Variants in ADGRL2 observed in about 807,000 individuals in gnomAD.
ADGRL2 encodes adhesion G protein-coupled receptor L2.
Under a neutral mutation model 157.4 loss-of-function variants are expected in ADGRL2, and 44 were observed. That is an observed-to-expected ratio of 0.28 (90% CI 0.22 to 0.36). The LOEUF (loss-of-function observed/expected upper bound fraction) is 0.36, where lower values mean the gene tolerates loss of function less well. ADGRL2 is among the 10% of genes least tolerant of loss of function. The probability of loss-of-function intolerance (pLI) is 1.00; values close to 1 mark genes in which losing one functional copy is unlikely to be tolerated. For missense variants in ADGRL2, 1,510 were observed against 1,768.9 expected, an observed-to-expected ratio of 0.85 and a Z score of 2.63; for synonymous variants, 585 against 624.7, an observed-to-expected ratio of 0.94 and a Z score of 0.95.
intron 3 of ADGRL2, among the ~76,000 whole-genome samples, chr1:81,913,728 GAGA>G (rs1284176393): frequency 5.3e-5 from 8 of 152,040 alleles, no homozygotes; most frequent in Non-Finnish European, 1.0e-4. Context: ...AAATCTCCTT[GAGA>G]AGGAGTGGCA....
At position 81,419,343 on chromosome 1, in the gene ADGRL2, A is replaced by G. The variant is rs184490608; in HGVS notation, c.-301-25693A>G. Reference sequence around the variant, plus strand: ...CTCAGCCTCCCTAGTAGCTGGGATTACAGGTGTCCACCACCACACCTGGCT... The same window carrying G: ...CTCAGCCTCCCTAGTAGCTGGGATTGCAGGTGTCCACCACCACACCTGGCT... On this transcript the variant is annotated intron_variant, in intron 1 of 24. Transcript: ENST00000370721. 6.9e-4 allele frequency among the ~76,000 whole-genome samples: 105 copies of G among 152,092 alleles called. 1 individual carries two copies. The East Asian group carries it at 0.02, about 29-fold the overall frequency.
intron 1 of ADGRL2, among the ~76,000 whole-genome samples, chr1:81,806,010 G>A (rs1483950648): frequency 3.9e-5 from 6 of 151,986 alleles, no homozygotes; most frequent in Non-Finnish European, 7.4e-5. Context: ...TTAATGTGTT[G>A]TAGAAGAACT....
chr1:81,342,721 T>A (rs1392906319), intron 1 of ADGRL2, among the ~76,000 whole-genome samples: 2 of 152,156 alleles, frequency 1.3e-5, no homozygotes, highest in Admixed American at 1.3e-4. Context: ...AATATGTTAT[T>A]TTATCTTTTA....
intron 2 of ADGRL2, among the ~76,000 whole-genome samples, chr1:81,844,216 G>A (rs2092702999): frequency 6.6e-6 from 1 of 152,038 alleles, no homozygotes; most frequent in Non-Finnish European, 1.5e-5. Flanking sequence ...TGCATATTAG[G>A]CATTTACACA....
intron 1 of ADGRL2, among the ~76,000 whole-genome samples, chr1:81,434,790 A>C (rs2077381177): frequency 6.6e-6 from 1 of 152,216 alleles, no homozygotes; most frequent in Non-Finnish European, 1.5e-5. Context: ...GGGAAGCTGC[A>C]GGTGGTCATT....
At chr1:81,987,203 A>G (rs908091010) in intron 22 of ADGRL2, 174 bp downstream of exon 22, 23 of 1,330,332 alleles carry the variant, frequency 1.7e-5, no homozygotes, top group Admixed American at 2.1e-5. Flanking sequence ...GCACTATATT[A>G]TAGTAAAAGC....
chr1:81,942,854 A>C (rs1387854812), intron 5 of ADGRL2, 115 bp from the exon 6 acceptor site: 1 of 799,180 alleles, frequency 1.3e-6, no homozygotes, highest in Admixed American at 2.0e-5. Context: ...ACATTTTGGT[A>C]AAATTGAATG....
At chr1:81,439,685 G>A (rs1241921101) in intron 1 of ADGRL2, among the ~76,000 whole-genome samples, 2 of 152,234 alleles carry the variant, frequency 1.3e-5, no homozygotes, top group African/African-American at 4.8e-5. Flanking sequence ...CGAAGCCCCA[G>A]AGGAGGTTTT....
chr1:81,708,655 T>TATAC (rs1384026254), intron 1 of ADGRL2, among the ~76,000 whole-genome samples: 2 of 151,088 alleles, frequency 1.3e-5, no homozygotes, highest in African/African-American at 4.8e-5. Flanking sequence ...TATATATATA[T>TATAC]ACACACACAC....
At chr1:81,737,742 G>A (rs1571015399) in intron 1 of ADGRL2, among the ~76,000 whole-genome samples, 1 of 152,312 alleles carries the variant, frequency 6.6e-6, no homozygotes, top group South Asian at 2.1e-4. Flanking sequence ...GCAAATAAAA[G>A]TTGATTAAAT....
intron 1 of ADGRL2, among the ~76,000 whole-genome samples, chr1:81,443,404 T>A (rs1230307290): frequency 2.7e-5 from 4 of 149,154 alleles, no homozygotes; most frequent in African/African-American, 9.9e-5. Flanking sequence ...ACCATTACAA[T>A]CCAGCCTGAG....
chr1:81,563,746 C>T (rs1390693085), intron 2 of ADGRL2, among the ~76,000 whole-genome samples: 3 of 152,172 alleles, frequency 2.0e-5, no homozygotes, highest in African/African-American at 7.2e-5. Context: ...AGAAGCATAA[C>T]ATCTCAAAAC....
chr1:81,683,036 G>A (rs1310289076), intron 3 of ADGRL2, among the ~76,000 whole-genome samples: 1 of 152,196 alleles, frequency 6.6e-6, no homozygotes, highest in Non-Finnish European at 1.5e-5. Context: ...AGGAGGCTGA[G>A]GTAGGAGAAT....
chr1:81,851,396 T>C (rs1261708499), intron 2 of ADGRL2, among the ~76,000 whole-genome samples: 1 of 151,874 alleles, frequency 6.6e-6, no homozygotes, highest in Admixed American at 6.6e-5. Context: ...TATGAAGGTA[T>C]CAGTTAAAAA....
intron 1 of ADGRL2, among the ~76,000 whole-genome samples, chr1:81,318,898 A>C (rs1660291258): frequency 7.4e-6 from 1 of 135,244 alleles, no homozygotes; most frequent in Non-Finnish European, 1.6e-5. Context: ...TGCATGTAAT[A>C]GTCATTTTAT....
intron 1 of ADGRL2, among the ~76,000 whole-genome samples, chr1:81,824,967 C>CTCTCTCTCTCTCTCTCTCTCTCTT (rs2091325369): frequency 2.0e-5 from 3 of 150,382 alleles, no homozygotes; most frequent in Admixed American, 6.6e-5. Flanking sequence ...CTCTCTCTCT[C>CTCTCTCTCTCTCTCTCTCTCTCTT]TCTCTCTCTC....
Position 81,411,812 on chromosome 1 carries a change from G to C in ADGRL2, c.-301-33224G>C, listed in dbSNP as rs577256060. Among the ~76,000 whole-genome samples the C allele has an allele frequency of 4.0e-3, 603 of 151,592 alleles. 3 individuals carry two copies. The highest frequency in any genetic ancestry group is 0.014 in the African/African-American group (577 of 41,274). Reference sequence around the variant, plus strand: ...GGAGAATGGCGTGAACCCGGGAGGAGGAGCTTGCAGTGAGCTGAGATCGCG... The same window carrying C: ...GGAGAATGGCGTGAACCCGGGAGGACGAGCTTGCAGTGAGCTGAGATCGCG... On this transcript the variant is annotated intron_variant, in intron 1 of 24. Coordinates refer to the ADGRL2 transcript ENST00000370721.
chr1:81,552,969 T>G (rs575187359), intron 2 of ADGRL2, among the ~76,000 whole-genome samples: 1 of 152,198 alleles, frequency 6.6e-6, no homozygotes, highest in Non-Finnish European at 1.5e-5. Context: ...TTCAATTGTT[T>G]CTTGAGAAAC....
chr1:81,431,451 G>A (rs1209205664), intron 1 of ADGRL2, among the ~76,000 whole-genome samples: 1 of 152,114 alleles, frequency 6.6e-6, no homozygotes, highest in Non-Finnish European at 1.5e-5. Context: ...CCACAAACGT[G>A]GCCCCTAGAG....
Sources: allele counts gnomAD v4.1 joint callset (sites outside exome capture counted in the v4.1 genomes callset), GRCh38; gene constraint gnomAD v4.1.1; transcripts MANE v1.5; gene names NCBI Gene and HGNC (gene_info 2026-07-23, HGNC 2026-07-21).